STAM: variants seen among roughly 807,000 people sequenced by gnomAD.
STAM encodes signal transducing adapter molecule 1.
STAM carries 16 observed loss-of-function variants against 63.4 expected under a neutral mutation model. The ratio of observed to expected loss-of-function variants is 0.25; its 90% confidence interval spans 0.17 to 0.38. The LOEUF (loss-of-function observed/expected upper bound fraction) is 0.38. Among genes scored for constraint, STAM ranks in the 10% least tolerant of loss-of-function variants. STAM has a pLI of 1.00. For missense variants in STAM, 636 were observed against 657.1 expected, an observed-to-expected ratio of 0.97 and a Z score of 0.35; for synonymous variants, 238 against 223.9, an observed-to-expected ratio of 1.06 and a Z score of -0.56.
At chr10:17,706,689 T>A (rs539826656) in intron 12 of STAM, among the ~76,000 whole-genome samples, 17 of 152,252 alleles carry the variant, frequency 1.1e-4, no homozygotes, top group African/African-American at 4.1e-4. Context: ...GAGGCCCATA[T>A]TTTTAAAGCT....
rs572239224 is a variant in STAM at position 17,661,750 on chromosome 10, C to T, written c.125+1202C>T. 2.0e-3 allele frequency among the ~76,000 whole-genome samples: 307 copies of T among 152,222 alleles called. 2 individuals carry two copies. Among genetic ancestry groups the T allele is most frequent in the African/African-American group, 7.1e-3 (296 of 41,550 alleles). The stretch of plus-strand genomic sequence containing the variant: ...CCTTCATAATCTCTCAAAATGTTGA[C>T]GTTTTAAAGTCTCCTTAATCAAGTT... On this transcript the variant is annotated intron_variant, in intron 2 of 13. Coordinates refer to ENST00000377524, the MANE Select transcript of STAM (RefSeq NM_003473.4).
rs1836226294 is a variant in STAM at position 17,705,625 on chromosome 10, A to G, written c.1093A>G (p.Met365Val). 6.2e-7 allele frequency: 1 copy of G among 1,613,592 alleles called. No individual in the cohort carries two copies. The highest frequency in any genetic ancestry group is 8.5e-7 in the Non-Finnish European group (1 of 1,179,918). Residue 365 changes from methionine to valine, a missense_variant, in exon 12 of 14, where the codon ATG becomes GTG. Met to Val is a conservative substitution (Grantham distance 21). Transcript: ENST00000377524. ...ACTCTCAGAACTTAATGTGAAAGTG[A>G]TGGAGGCCCTTTCCTTATATACCAA... The part of the protein sequence containing the change: ...SELSELNVKV[M>V]EALSLYTKLM...
chr10:17,691,389 G>C (rs1321581291), intron 5 of STAM, among the ~76,000 whole-genome samples: 1 of 152,100 alleles, frequency 6.6e-6, no homozygotes, highest in African/African-American at 2.4e-5. Flanking sequence ...GTAGTGGCAG[G>C]TGCCTGTAGT....
intron 2 of STAM, among the ~76,000 whole-genome samples, chr10:17,662,654 G>A (rs1296481166): frequency 1.3e-5 from 2 of 152,210 alleles, no homozygotes; most frequent in Non-Finnish European, 2.9e-5. Flanking sequence ...TCAAATCTTG[G>A]CTCTAGCCAT....
intron 1 of STAM, among the ~76,000 whole-genome samples, chr10:17,657,551 C>T (rs782172361): frequency 3.3e-5 from 5 of 152,118 alleles, no homozygotes; most frequent in South Asian, 2.1e-4. Context: ...TAATTTCTTC[C>T]TTAAATATTT....
chr10:17,714,646 C>G lies in STAM; in HGVS notation c.1489C>G (p.Leu497Val). ...TAAAATADVT[L>V]YQNAGPNMPQ... ...TGCTGCTGCAACTGCCGATGTCACTCTGTACCAGAATGCAGGACCTAATAT... is the reference window on the plus strand; with the variant it reads ...TGCTGCTGCAACTGCCGATGTCACTGTGTACCAGAATGCAGGACCTAATAT... The change falls in exon 14 of 14, where the codon CTG becomes GTG. Residue 497 changes from leucine (L) to valine (V), a missense_variant. This residue lies in a region of STAM where 532 missense variants were observed against 536.9 expected (regional missense o/e 0.99). Coordinates refer to ENST00000377524, the MANE Select transcript of STAM (RefSeq NM_003473.4). 6.2e-7 allele frequency: 1 copy of G among 1,614,174 alleles called. No individual in the cohort carries two copies. Among genetic ancestry groups the G allele is most frequent in the East Asian group, 2.2e-5 (1 of 44,876 alleles).
At chr10:17,694,261 T>A (rs1057418283) in intron 6 of STAM, among the ~76,000 whole-genome samples, 1 of 152,196 alleles carries the variant, frequency 6.6e-6, no homozygotes, top group Non-Finnish European at 1.5e-5. Context: ...AGGCCAGAGT[T>A]GTTTGCTTTT....
intron 1 of STAM, among the ~76,000 whole-genome samples, chr10:17,649,603 C>T (rs1220656411): frequency 6.6e-6 from 1 of 151,996 alleles, no homozygotes; most frequent in African/African-American, 2.4e-5. Flanking sequence ...AGAAAGCACT[C>T]AAGAATTATT....
intron 9 of STAM, among the ~76,000 whole-genome samples, chr10:17,700,678 C>T (rs1040586764): frequency 2.0e-5 from 3 of 151,616 alleles, no homozygotes; most frequent in African/African-American, 7.3e-5. Flanking sequence ...GTGTATTTTC[C>T]ATGTTAATAG....
chr10:17,692,496 C>T (rs1352295586), intron 5 of STAM, among the ~76,000 whole-genome samples: 2 of 152,110 alleles, frequency 1.3e-5, no homozygotes, highest in Non-Finnish European at 2.9e-5. Flanking sequence ...TTTCTGGTAA[C>T]TGGCAGAATG....
At chr10:17,661,711 A>G (rs150149460) in intron 2 of STAM, among the ~76,000 whole-genome samples, 41 of 152,278 alleles carry the variant, frequency 2.7e-4, no homozygotes, top group African/African-American at 5.5e-4. Flanking sequence ...TTATTACTCA[A>G]TTCTGTCCAT....
Position 17,695,123 on chromosome 10 carries a change from C to G in STAM, c.610C>G (p.Leu204Val). 6.2e-7 allele frequency: 1 copy of G among 1,614,120 alleles called. No individual in the cohort carries two copies. The highest frequency in any genetic ancestry group is 8.5e-7 in the Non-Finnish European group (1 of 1,179,992). ...LSTLYPSTSSLLTNHQHEGRK... is the reference protein window; with the variant it reads ...LSTLYPSTSSVLTNHQHEGRK... ...CACTTTGTATCCAAGCACATCCAGT[C>G]TCTTAACTAACCACCAACATGAAGG... The change falls in exon 7 of 14, where the codon CTC (leucine) becomes GTC (valine). Residue 204 changes from leucine (L) to valine (V), a missense_variant. Around this residue, in one of 3 missense-constraint regions of STAM, gnomAD observed 532 missense variants for 536.9 expected, o/e 0.99. Transcript: ENST00000377524.
In STAM at chr10:17,696,757, G is replaced by A. The variant is rs186927896; in HGVS notation, c.729-18G>A. 7 of 1,549,786 alleles carry A rather than the reference G, an allele frequency of 4.5e-6. No individual in the cohort carries two copies. In the Admixed American group the frequency reaches 1.0e-4, roughly 22 times the overall value. On this transcript the variant is annotated intron_variant, in intron 7 of 13. Coordinates refer to ENST00000377524, the MANE Select transcript of STAM (RefSeq NM_003473.4). ...AATACATTTGTTATGGTAAAGCATT[G>A]TTTTTTGTTTGTCATAGTGATCCTA... is the stretch of plus-strand genomic sequence containing the variant.
At chr10:17,688,506 T>TGGGTAGAGTGCAGTA (rs1376375431) in intron 5 of STAM, among the ~76,000 whole-genome samples, 6 of 152,144 alleles carry the variant, frequency 3.9e-5, no homozygotes, top group African/African-American at 1.4e-4. Flanking sequence ...TTTGTCGCCC[T>TGGGTAGAGTGCAGTA]GGGTAGAGTG....
At chr10:17,668,797 C>G (rs1554823725) in intron 2 of STAM, among the ~76,000 whole-genome samples, 1 of 152,136 alleles carries the variant, frequency 6.6e-6, no homozygotes, top group African/African-American at 2.4e-5. Flanking sequence ...CTCAGTAGTT[C>G]ATTTCTTCTT....
At position 17,700,315 on chromosome 10, in the gene STAM, T is replaced by A. The variant is rs376842869; in HGVS notation, c.912+36T>A. 4.8e-6 allele frequency: 7 copies of A among 1,466,510 alleles called. No homozygotes were observed. The African/African-American group carries it at 7.2e-5, about 15-fold the overall frequency. The allele number at this position is 1,466,510 out of a possible 1,614,324, so 90.8% of individuals were successfully genotyped here. A position where few individuals can be genotyped will look rare whatever the true frequency, so the allele number is the denominator to read the frequency against. ...TCCATGGTGATAGGAGTTGGTACTT[T>A]GTATTGAAATTTAAATGGTTTTGCT... On this transcript the variant is annotated intron_variant, in intron 9 of 13. Transcript: ENST00000377524.
At chr10:17,700,104 C>A in intron 8 of STAM, 87 bp from the exon 9 acceptor site, 1 of 1,114,062 alleles carries the variant, frequency 9.0e-7, no homozygotes, top group Non-Finnish European at 1.2e-6. Context: ...TAAGAAAAAT[C>A]CCCAAATCTC....
chr10:17,715,564 T>C lies in STAM; in HGVS notation c.*784T>C, dbSNP rs997062201. The C allele has an allele frequency of 2.0e-5, 3 of 152,654 alleles. No homozygotes were observed. The highest frequency in any genetic ancestry group is 4.4e-5 in the Non-Finnish European group (3 of 68,026). The allele number at this position is 152,654 out of a possible 1,614,324, so 9.5% of individuals were successfully genotyped here. ...TTTGGCATGACATTTCAGAGTATTG[T>C]GGGACCATGAGACAAAATTAAGTAC... On this transcript the variant is annotated 3_prime_UTR_variant, in exon 14 of 14. Transcript: ENST00000377524.
At chr10:17,670,561 A>G (rs1389449613) in intron 2 of STAM, among the ~76,000 whole-genome samples, 1 of 152,130 alleles carries the variant, frequency 6.6e-6, no homozygotes, top group African/African-American at 2.4e-5. Flanking sequence ...GTTATGTTAC[A>G]TTGTGTTTTG....
Sources: allele counts gnomAD v4.1 joint callset (sites outside exome capture counted in the v4.1 genomes callset), GRCh38; gene constraint gnomAD v4.1.1; regional missense constraint gnomAD v4.1.1; transcripts MANE v1.5; gene names NCBI Gene and HGNC (gene_info 2026-07-23, HGNC 2026-07-21).